The following EDN1 variants were observed in gnomAD, a reference collection of about 807,000 sequenced individuals.
EDN1 encodes endothelin 1.
EDN1 carries 11 observed loss-of-function variants against 21.7 expected under a neutral mutation model. The ratio of observed to expected loss-of-function variants is 0.51; its 90% CI spans 0.32 to 0.84. The LOEUF is 0.84. Ranked by LOEUF, EDN1 falls within the 40% of genes least tolerant of loss-of-function variation. The pLI is 0.03. For missense variants in EDN1, 244 were observed against 262.3 expected, an observed-to-expected ratio of 0.93 and a Z score of 0.48; for synonymous variants, 85 against 90.6, an observed-to-expected ratio of 0.94 and a Z score of 0.35.
the EDN1 span, among the ~76,000 whole-genome samples, chr6:12,237,227 T>C: frequency 2.5e-3 from 387 of 152,276 alleles, 6 homozygotes; most frequent in East Asian, 3.3e-3. Context: ...CAGACTATCA[T>C]TGATGGACAT....
At chr6:12,273,410 C>T in the EDN1 span, among the ~76,000 whole-genome samples, 157 of 151,990 alleles carry the variant, frequency 1.0e-3, no homozygotes, top group Non-Finnish European at 1.8e-3. Flanking sequence ...GTGTCTCTCT[C>T]AGAACTTAAA....
the EDN1 span, among the ~76,000 whole-genome samples, chr6:12,260,091 A>G: frequency 6.6e-6 from 1 of 152,152 alleles, no homozygotes; most frequent in East Asian, 1.9e-4. Context: ...ACATCTGGGT[A>G]AAATATTTCT....
At chr6:12,270,453 C>T in the EDN1 span, among the ~76,000 whole-genome samples, 1 of 151,410 alleles carries the variant, frequency 6.6e-6, no homozygotes, top group South Asian at 2.1e-4. Context: ...TTGCTGTATC[C>T]CATAGGTTTT....
At chr6:12,261,982 G>A in the EDN1 span, among the ~76,000 whole-genome samples, 3 of 152,090 alleles carry the variant, frequency 2.0e-5, no homozygotes, top group Non-Finnish European at 4.4e-5. Context: ...ACAGAGCAAA[G>A]GCATCAACAG....
chr6:12,293,871 G>T, intron 2 of EDN1, 70 bp from the exon 3 acceptor site: 2 of 1,555,574 alleles, frequency 1.3e-6, no homozygotes, highest in East Asian at 2.3e-5. Flanking sequence ...AGTGGAATAG[G>T]TGTGTCCATG....
chr6:12,268,065 A>G, the EDN1 span, among the ~76,000 whole-genome samples: 1 of 152,180 alleles, frequency 6.6e-6, no homozygotes, highest in Non-Finnish European at 1.5e-5. Context: ...TGGCTTTCAA[A>G]ATACTACTAC....
chr6:12,244,506 A>G, the EDN1 span, among the ~76,000 whole-genome samples: 1 of 152,204 alleles, frequency 6.6e-6, no homozygotes, highest in Non-Finnish European at 1.5e-5. Context: ...AATGTTTGTT[A>G]TTTTCCTTGA....
chr6:12,295,308 T>C (rs1245106921), intron 4 of EDN1, among the ~76,000 whole-genome samples: 1 of 152,152 alleles, frequency 6.6e-6, no homozygotes, highest in Non-Finnish European at 1.5e-5. Flanking sequence ...AGCTATCGGT[T>C]TCTTCACACC....
chr6:12,248,935 G>A, the EDN1 span, among the ~76,000 whole-genome samples: 1 of 152,228 alleles, frequency 6.6e-6, no homozygotes, highest in Non-Finnish European at 1.5e-5. Flanking sequence ...TGAAGGCTGA[G>A]TTTGGCAATT....
At chr6:12,284,617 GAA>G in the EDN1 span, among the ~76,000 whole-genome samples, 1 of 142,560 alleles carries the variant, frequency 7.0e-6, no homozygotes, top group Non-Finnish European at 1.5e-5. Context: ...AGAAAGGAAA[GAA>G]AGAGAGAAAG....
At chr6:12,248,904 A>G in the EDN1 span, among the ~76,000 whole-genome samples, 1,490 of 152,334 alleles carry the variant, frequency 9.8e-3, 32 homozygotes, top group African/African-American at 0.034. Context: ...CTGTATATTC[A>G]ATGTGATGAT....
the EDN1 span, among the ~76,000 whole-genome samples, chr6:12,246,843 T>C: frequency 6.6e-6 from 1 of 152,194 alleles, no homozygotes; most frequent in Admixed American, 6.5e-5. Flanking sequence ...TCCACCTCAG[T>C]TTTCCATCTC....
the EDN1 span, among the ~76,000 whole-genome samples, chr6:12,232,070 A>G: frequency 2.4e-4 from 35 of 148,430 alleles, no homozygotes; most frequent in Admixed American, 5.4e-4. Context: ...ATCTCTTAAT[A>G]TGAAGCATAT....
chr6:12,237,280 A>G, the EDN1 span, among the ~76,000 whole-genome samples: 1 of 152,186 alleles, frequency 6.6e-6, no homozygotes, highest in Non-Finnish European at 1.5e-5. Flanking sequence ...TAATGTAATT[A>G]GGCCAGTATT....
the EDN1 span, among the ~76,000 whole-genome samples, chr6:12,271,460 CT>C: frequency 6.6e-6 from 1 of 152,122 alleles, no homozygotes; most frequent in African/African-American, 2.4e-5. Flanking sequence ...ATATTCTAGA[CT>C]TTTACTATCC....
chr6:12,241,127 A>G, the EDN1 span, among the ~76,000 whole-genome samples: 10 of 150,600 alleles, frequency 6.6e-5, no homozygotes, highest in Non-Finnish European at 1.2e-4. Context: ...CACTGTGGGA[A>G]CCTTAGGATG....
chr6:12,233,615 G>T, the EDN1 span, among the ~76,000 whole-genome samples: 3 of 152,040 alleles, frequency 2.0e-5, no homozygotes, highest in African/African-American at 7.2e-5. Flanking sequence ...CGACCGCATG[G>T]GCAAGATTGC....
At chr6:12,231,318 G>A in the EDN1 span, among the ~76,000 whole-genome samples, 2 of 152,074 alleles carry the variant, frequency 1.3e-5, no homozygotes, top group East Asian at 1.9e-4. Flanking sequence ...GCAATTCAAC[G>A]AATCAAAAGT....
the EDN1 span, among the ~76,000 whole-genome samples, chr6:12,276,707 C>T: frequency 6.6e-6 from 1 of 152,172 alleles, no homozygotes; most frequent in Non-Finnish European, 1.5e-5. Context: ...AGCATAGGGA[C>T]AGCTTCACTA....
Sources: allele counts gnomAD v4.1 joint callset (sites outside exome capture counted in the v4.1 genomes callset), GRCh38; gene constraint gnomAD v4.1.1; transcripts MANE v1.5; gene names NCBI Gene and HGNC (gene_info 2026-07-23, HGNC 2026-07-21).